Variants in PCDHGB1 observed in about 807,000 individuals in gnomAD.
The protein encoded by PCDHGB1 is protocadherin gamma subfamily B, 1.
Under a neutral mutation model 56.6 loss-of-function variants are expected in PCDHGB1, and 34 were observed. The ratio of observed to expected loss-of-function variants is 0.60; its 90% confidence interval spans 0.46 to 0.80. The LOEUF is 0.80. Among genes scored for constraint, PCDHGB1 ranks in the 30% least tolerant of loss-of-function variants. PCDHGB1 has a pLI of 0.00. For missense variants in PCDHGB1, 1,278 were observed against 1,204.6 expected, an observed-to-expected ratio of 1.06 and a Z score of -0.90; for synonymous variants, 561 against 505.9, an observed-to-expected ratio of 1.11 and a Z score of -1.46.
chr5:141,495,449 GCT>G (rs560850951), intron 2 of PCDHGB1, among the ~76,000 whole-genome samples: 3 of 152,194 alleles, frequency 2.0e-5, no homozygotes, highest in Non-Finnish European at 2.9e-5. Flanking sequence ...TACTTGTCCT[GCT>G]CTCTGTCTGT....
intron 1 of PCDHGB1, chr5:141,422,315 C>T: frequency 6.5e-7 from 1 of 1,547,896 alleles, no homozygotes; most frequent in Non-Finnish European, 8.7e-7. Flanking sequence ...AACTCTCCTC[C>T]AGGTACAGTG....
intron 1 of PCDHGB1, chr5:141,367,915 AAG>A (rs963477833): frequency 6.6e-6 from 1 of 152,232 alleles, no homozygotes; most frequent in Non-Finnish European, 1.5e-5. Flanking sequence ...TTGAAAAAAA[AAG>A]AACTCAACTT....
At chr5:141,371,131 T>C (rs746254566) in intron 1 of PCDHGB1, 1 of 1,614,004 alleles carries the variant, frequency 6.2e-7, no homozygotes, top group South Asian at 1.1e-5. Flanking sequence ...ACTCAGGACA[T>C]GTACAGGGTC....
chr5:141,389,405 G>A (rs758428464), intron 1 of PCDHGB1: 16 of 1,613,614 alleles, frequency 9.9e-6, no homozygotes. Flanking sequence ...CCATAAGCGC[G>A]GAGAGCGGGG....
At chr5:141,494,926 G>C in intron 2 of PCDHGB1, 61 bp downstream of exon 2, 2 of 1,613,498 alleles carry the variant, frequency 1.2e-6, no homozygotes, top group Non-Finnish European at 1.7e-6. Context: ...GGATGACGTG[G>C]GAGGAGATGG....
chr5:141,489,942 C>T lies in PCDHGB1; in HGVS notation c.2410-4865C>T. On this transcript the variant is annotated intron_variant, in intron 1 of 3. Transcript: ENST00000523390. The surrounding 1 kb of genome is among the most constrained non-coding windows in gnomAD (Gnocchi z 4.5). ...CCCTTATCTCTGTCATCGTGCTGGA[C>T]ATCAATGATAATGCTCCAACCTTCC... 2 of 1,614,170 alleles carry T rather than the reference C, an allele frequency of 1.2e-6. No homozygotes were observed. The highest frequency in any genetic ancestry group is 1.7e-6 in the Non-Finnish European group (2 of 1,179,984).
chr5:141,504,824 C>T (rs537283013), intron 2 of PCDHGB1, among the ~76,000 whole-genome samples: 4 of 152,230 alleles, frequency 2.6e-5, no homozygotes, highest in South Asian at 4.1e-4. Context: ...TAGGTCCCCA[C>T]TTTTTCTCTA....
rs1591094034 is a variant in PCDHGB1 at position 141,431,659 on chromosome 5, A to T, written c.2410-63148A>T. 3.7e-6 allele frequency: 6 copies of T among 1,614,246 alleles called. No individual in the cohort carries two copies. The highest frequency in any genetic ancestry group is 3.4e-6 in the Non-Finnish European group (4 of 1,180,036). On this transcript the variant is annotated intron_variant, in intron 1 of 3. Coordinates refer to ENST00000523390, the MANE Select transcript of PCDHGB1 (RefSeq NM_018922.3). This position sits in a 1 kb window ranked among gnomAD's most constrained non-coding sequence, Gnocchi z 4.8. ...TCAAACTAGATTGTAATTCAGGGAC[A>T]ATATCAACAATAGGGGAGTTGGACC...
chr5:141,433,228 C>G (rs2097577964), intron 1 of PCDHGB1: 7 of 1,522,184 alleles, frequency 4.6e-6, no homozygotes, highest in Non-Finnish European at 5.4e-6. Flanking sequence ...TTTAATTGCT[C>G]TGTCTCCCAA....
At chr5:141,398,392 A>T in intron 1 of PCDHGB1, 1 of 1,456,390 alleles carries the variant, frequency 6.9e-7, no homozygotes, top group Non-Finnish European at 9.5e-7. Context: ...TGTGAGCAGC[A>T]GGCTAGACAG....
chr5:141,508,731 A>C (rs1596169554), intron 3 of PCDHGB1, among the ~76,000 whole-genome samples: 6 of 145,538 alleles, frequency 4.1e-5, no homozygotes, highest in African/African-American at 5.1e-5. Context: ...GGGAGACTAC[A>C]CCCCCCACCC....
At chr5:141,467,344 C>A (rs2099142230) in intron 1 of PCDHGB1, among the ~76,000 whole-genome samples, 1 of 152,122 alleles carries the variant, frequency 6.6e-6, no homozygotes, top group South Asian at 2.1e-4. Flanking sequence ...TAAGCCACTG[C>A]CCCCGGCCAA....
At chr5:141,354,716 G>A (rs1292688880) in intron 1 of PCDHGB1, among the ~76,000 whole-genome samples, 1 of 152,180 alleles carries the variant, frequency 6.6e-6, no homozygotes, top group African/African-American at 2.4e-5. Context: ...AGAATGGGCT[G>A]TGGGGATGAA....
intron 1 of PCDHGB1, chr5:141,418,421 G>A (rs776535087): frequency 2.5e-6 from 4 of 1,613,966 alleles, no homozygotes; most frequent in Non-Finnish European, 3.4e-6. Flanking sequence ...CAATCCTGAT[G>A]GTGGCAAATA....
rs1768955352 is a variant in PCDHGB1, at chr5:141,372,667, C to T, written c.2409+19998C>T. 1.9e-6 allele frequency: 3 copies of T among 1,613,922 alleles called. No homozygotes were observed. In the African/African-American group the frequency reaches 4.0e-5, roughly 22 times the overall value. On this transcript the variant is annotated intron_variant, in intron 1 of 3. Transcript: ENST00000523390. Reference sequence around the variant, plus strand: ...TATTCCTACAATCCGTGTGCTGCCTCACATTCCTCAAACACCGAGTTTAAA... The same window carrying T: ...TATTCCTACAATCCGTGTGCTGCCTTACATTCCTCAAACACCGAGTTTAAA...
chr5:141,453,931 G>T (rs61228273), intron 1 of PCDHGB1, among the ~76,000 whole-genome samples: 2 of 152,306 alleles, frequency 1.3e-5, no homozygotes, highest in African/African-American at 4.8e-5. Flanking sequence ...GTCACTGTGT[G>T]CCTATAATTT....
Position 141,431,364 on chromosome 5 carries a change from G to T in PCDHGB1, c.2410-63443G>T, listed in dbSNP as rs773688069. 3 of 1,613,892 alleles carry T rather than the reference G, an allele frequency of 1.9e-6. No individual in the cohort carries two copies. The East Asian group carries it at 6.7e-5, about 36-fold the overall frequency. ...TTGGTGCTGAAACGCGCCCTGGACC[G>T]CGAAGAAAAGGCTGCTCACCACCTG... On this transcript the variant is annotated intron_variant, in intron 1 of 3. Coordinates refer to ENST00000523390, the MANE Select transcript of PCDHGB1 (RefSeq NM_018922.3). The surrounding 1 kb of genome is among the most constrained non-coding windows in gnomAD (Gnocchi z 4.8).
At chr5:141,415,043 T>G in intron 1 of PCDHGB1, 2 of 1,613,396 alleles carry the variant, frequency 1.2e-6, no homozygotes, top group Non-Finnish European at 1.7e-6. Flanking sequence ...CTCTTCGCGG[T>G]GGGGGAGCAC....
At position 141,431,542 on chromosome 5, in the gene PCDHGB1, G is replaced by C; in HGVS notation, c.2410-63265G>C. On this transcript the variant is annotated intron_variant, in intron 1 of 3. Coordinates refer to ENST00000523390, the MANE Select transcript of PCDHGB1 (RefSeq NM_018922.3). The surrounding 1 kb of genome is among the most constrained non-coding windows in gnomAD (Gnocchi z 4.8). ...AGAATCTGGCCTTGGGCACGCAGCT[G>C]CTTGTAGTCAACGCTACCGACCCTG... The C allele has an allele frequency of 1.9e-6, 3 of 1,614,124 alleles. No homozygotes were observed. The highest frequency in any genetic ancestry group is 1.1e-5 in the South Asian group (1 of 91,086).
Sources: allele counts gnomAD v4.1 joint callset (sites outside exome capture counted in the v4.1 genomes callset), GRCh38; gene constraint gnomAD v4.1.1; non-coding constraint Gnocchi (gnomAD v3.1); transcripts MANE v1.5; gene names NCBI Gene and HGNC (gene_info 2026-07-23, HGNC 2026-07-21).